The following ADRA1A variants were observed in gnomAD, a reference collection of about 807,000 sequenced individuals.
ADRA1A encodes adrenoceptor alpha 1A, also known as alpha-1A adrenergic receptor.
In ADRA1A, 31 loss-of-function variants were observed where a neutral mutation model predicts 29.6. The observed-to-expected ratio is 1.05, with a 90% CI of 0.79 to 1.41. The LOEUF is 1.41. ADRA1A is among the 40% of genes most tolerant of loss of function. The pLI is 0.00. For missense variants in ADRA1A, 619 were observed against 601.1 expected (o/e 1.03, Z -0.31); for synonymous variants, 311 against 254.3 (o/e 1.22, Z -2.12).
chr8:26,757,611 A>G (rs1000314193), intron 2 of ADRA1A, among the ~76,000 whole-genome samples: 1 of 151,658 alleles, frequency 6.6e-6, no homozygotes, highest in Non-Finnish European at 1.5e-5. Context: ...GTATGATGTG[A>G]AAGCCAGGCT....
chr8:26,794,984 A>C (rs1444169181), intron 2 of ADRA1A, among the ~76,000 whole-genome samples: 1 of 152,138 alleles, frequency 6.6e-6, no homozygotes. Flanking sequence ...GTTACCTGGA[A>C]AACAAACGTT....
intron 2 of ADRA1A, among the ~76,000 whole-genome samples, chr8:26,816,596 G>A (rs919810668): frequency 6.6e-6 from 1 of 151,620 alleles, no homozygotes; most frequent in African/African-American, 2.4e-5. Context: ...ACACGCTCAT[G>A]TGCACACGCC....
intron 2 of ADRA1A, among the ~76,000 whole-genome samples, chr8:26,833,997 A>G (rs879938061): frequency 3.9e-5 from 6 of 152,220 alleles, no homozygotes; most frequent in Non-Finnish European, 7.3e-5. Flanking sequence ...TGTCTGGATA[A>G]CTCAAAAGTT....
chr8:26,862,221 G>A (rs200208211), intron 2 of ADRA1A, among the ~76,000 whole-genome samples: 6 of 152,000 alleles, frequency 3.9e-5, no homozygotes, highest in East Asian at 3.9e-4. Context: ...CTCTGTACTC[G>A]CTGCTCCCTC....
chr8:26,781,089 C>T (rs1806947733), intron 2 of ADRA1A, among the ~76,000 whole-genome samples: 1 of 152,362 alleles, frequency 6.6e-6, no homozygotes, highest in Non-Finnish European at 1.5e-5. Context: ...AAAAATTTGT[C>T]TGCCATGAAA....
At chr8:26,849,955 C>T (rs944932574) in intron 2 of ADRA1A, among the ~76,000 whole-genome samples, 2 of 134,014 alleles carry the variant, frequency 1.5e-5, no homozygotes, top group African/African-American at 5.6e-5. Flanking sequence ...TAAAGTGGAA[C>T]ATGAACTTGA....
chr8:26,866,340 C>T lies in ADRA1A; in HGVS notation c.-687+596G>A, dbSNP rs1813905186. Among the ~76,000 whole-genome samples, 1 of 152,204 alleles carries T rather than the reference C, an allele frequency of 6.6e-6. No individual in the cohort carries two copies. Among genetic ancestry groups the T allele is most frequent in the African/African-American group, 2.4e-5 (1 of 41,462 alleles). Reference sequence around the variant, plus strand: ...GCCTCACTGTTGGCCACCCGAGGGGCTCCAGCTGCCAGCCGTAGCGGGACT... The same window carrying T: ...GCCTCACTGTTGGCCACCCGAGGGGTTCCAGCTGCCAGCCGTAGCGGGACT... On this transcript the variant is annotated intron_variant, in intron 1 of 2. Coordinates refer to ENST00000380573, the MANE Select transcript of ADRA1A (RefSeq NM_000680.4). This position sits in a 1 kb window ranked among gnomAD's most constrained non-coding sequence, Gnocchi z 5.7.
At chr8:26,820,998 T>C (rs1647812507) in intron 2 of ADRA1A, among the ~76,000 whole-genome samples, 2 of 152,098 alleles carry the variant, frequency 1.3e-5, no homozygotes, top group African/African-American at 4.8e-5. Flanking sequence ...CAAGCGATTC[T>C]CCTGCCTCAG....
chr8:26,839,491 T>A (rs1223859420), intron 2 of ADRA1A, among the ~76,000 whole-genome samples: 1 of 152,140 alleles, frequency 6.6e-6, no homozygotes, highest in African/African-American at 2.4e-5. Context: ...AACTTCAAAC[T>A]GGAAAACCAG....
chr8:26,781,966 G>A (rs1286909169), intron 2 of ADRA1A, among the ~76,000 whole-genome samples: 1 of 152,214 alleles, frequency 6.6e-6, no homozygotes, highest in Admixed American at 6.5e-5. Context: ...CAGGAAAATG[G>A]GTTTTTGCTT....
At chr8:26,862,143 C>A (rs1440038437) in intron 2 of ADRA1A, among the ~76,000 whole-genome samples, 1 of 152,212 alleles carries the variant, frequency 6.6e-6, no homozygotes. Context: ...TGACTGCCCC[C>A]TCCCTGTCTG....
At chr8:26,846,493 G>A (rs1222827198) in intron 2 of ADRA1A, among the ~76,000 whole-genome samples, 1 of 152,206 alleles carries the variant, frequency 6.6e-6, no homozygotes, top group Non-Finnish European at 1.5e-5. Context: ...CTTGGGCCAG[G>A]CGCAGTGGCT....
intron 2 of ADRA1A, among the ~76,000 whole-genome samples, chr8:26,790,374 A>T (rs921545086): frequency 6.6e-6 from 1 of 152,190 alleles, no homozygotes; most frequent in Admixed American, 6.6e-5. Flanking sequence ...TAAATACCAC[A>T]TGTTCTCACT....
chr8:26,814,537 C>T (rs1809635194), intron 2 of ADRA1A, among the ~76,000 whole-genome samples: 1 of 152,260 alleles, frequency 6.6e-6, no homozygotes, highest in Non-Finnish European at 1.5e-5. Flanking sequence ...CCAAGGATTA[C>T]AGCTATGTGC....
intron 2 of ADRA1A, among the ~76,000 whole-genome samples, chr8:26,792,458 C>T (rs1161206456): frequency 6.6e-6 from 1 of 151,696 alleles, no homozygotes; most frequent in Non-Finnish European, 1.5e-5. Context: ...TGTAGAAAGA[C>T]ATTAAGTAGA....
At chr8:26,840,719 C>T (rs1315497777) in intron 2 of ADRA1A, among the ~76,000 whole-genome samples, 1 of 151,950 alleles carries the variant, frequency 6.6e-6, no homozygotes, top group African/African-American at 2.4e-5. Flanking sequence ...TTGCTAAAGA[C>T]AAATTTAACT....
At chr8:26,856,988 C>T (rs998214737) in intron 2 of ADRA1A, among the ~76,000 whole-genome samples, 1 of 152,186 alleles carries the variant, frequency 6.6e-6, no homozygotes, top group African/African-American at 2.4e-5. Context: ...CAATGATCTG[C>T]CCCTCTGTGT....
downstream of ADRA1A, among the ~76,000 whole-genome samples, chr8:26,765,438 A>G (rs529954272): frequency 6.6e-6 from 1 of 152,168 alleles, no homozygotes; most frequent in Non-Finnish European, 1.5e-5. Flanking sequence ...CACAGCTGCC[A>G]TTGCTTTCTG....
intron 2 of ADRA1A, among the ~76,000 whole-genome samples, chr8:26,842,865 C>CAA (rs1811928605): frequency 3.3e-5 from 3 of 90,454 alleles, no homozygotes; most frequent in Admixed American, 1.1e-4. Context: ...CTCTCTCTTT[C>CAA]TACACACACA....
Sources: allele counts gnomAD v4.1 joint callset (sites outside exome capture counted in the v4.1 genomes callset), GRCh38; gene constraint gnomAD v4.1.1; non-coding constraint Gnocchi (gnomAD v3.1); transcripts MANE v1.5; gene names NCBI Gene and HGNC (gene_info 2026-07-23, HGNC 2026-07-21).